Variants in FYN observed in about 807,000 individuals in gnomAD.
FYN encodes the protein FYN proto-oncogene, Src family tyrosine kinase, also known as tyrosine-protein kinase Fyn.
In FYN, 10 loss-of-function variants were observed where a neutral mutation model predicts 70.2. The observed-to-expected ratio is 0.14, with a 90% CI of 0.09 to 0.24. FYN has a LOEUF of 0.24. Among genes scored for constraint, FYN ranks in the 10% least tolerant of loss-of-function variants. The pLI is 1.00. For synonymous variants in FYN, 236 were observed against 248.6 expected (o/e 0.95, Z 0.48); for missense variants, 319 against 673.1 (o/e 0.47, Z 5.82).
intron 3 of FYN, among the ~76,000 whole-genome samples, chr6:111,766,846 T>C (rs935852124): frequency 6.6e-6 from 1 of 152,170 alleles, no homozygotes; most frequent in Non-Finnish European, 1.5e-5. Context: ...GAAACTACAA[T>C]TCAAGATGAG....
chr6:111,767,548 G>C (rs538669791), intron 3 of FYN, among the ~76,000 whole-genome samples: 138 of 152,210 alleles, frequency 9.1e-4, no homozygotes, highest in African/African-American at 3.2e-3. Context: ...CTACAGGCAT[G>C]CACCACCACA....
At chr6:111,692,918 T>C (rs1412058641) in intron 12 of FYN, among the ~76,000 whole-genome samples, 1 of 152,162 alleles carries the variant, frequency 6.6e-6, no homozygotes, top group Non-Finnish European at 1.5e-5. Context: ...AGTGCGCCTT[T>C]GATTAGAGAT....
intron 2 of FYN, among the ~76,000 whole-genome samples, chr6:111,819,499 T>C (rs1227799849): frequency 6.6e-6 from 1 of 152,168 alleles, no homozygotes; most frequent in Non-Finnish European, 1.5e-5. Context: ...AAATAGAATA[T>C]TCTTTCCTCT....
chr6:111,868,628 C>A (rs140299987), intron 1 of FYN, among the ~76,000 whole-genome samples: 1 of 152,276 alleles, frequency 6.6e-6, no homozygotes, highest in African/African-American at 2.4e-5. Context: ...CCTTATGGCA[C>A]ATAACGTATT....
At chr6:111,843,271 TTA>T (rs1183033354) in intron 2 of FYN, among the ~76,000 whole-genome samples, 2 of 152,240 alleles carry the variant, frequency 1.3e-5, no homozygotes, top group Non-Finnish European at 2.9e-5. Context: ...GGATATTATT[TTA>T]ATCAAATCCT....
At chr6:111,768,920 G>A (rs565616914) in intron 3 of FYN, among the ~76,000 whole-genome samples, 1 of 152,288 alleles carries the variant, frequency 6.6e-6, no homozygotes, top group South Asian at 2.1e-4. Flanking sequence ...GAAATGAAAA[G>A]GCTTTGAATC....
intron 2 of FYN, among the ~76,000 whole-genome samples, chr6:111,792,290 G>A (rs188744348): frequency 5.9e-5 from 9 of 152,220 alleles, no homozygotes; most frequent in East Asian, 3.9e-4. Flanking sequence ...AAACCACAAC[G>A]CATTACCAAT....
chr6:111,811,657 G>A (rs1772329550), intron 2 of FYN, among the ~76,000 whole-genome samples: 1 of 152,128 alleles, frequency 6.6e-6, no homozygotes, highest in Non-Finnish European at 1.5e-5. Context: ...GGGCAGGGGT[G>A]AACAACTGAT....
At chr6:111,865,620 G>T (rs529444612) in intron 1 of FYN, among the ~76,000 whole-genome samples, 4 of 152,222 alleles carry the variant, frequency 2.6e-5, no homozygotes, top group Middle Eastern at 6.8e-3. Context: ...CTAAAAATTA[G>T]ATTTGCTCAA....
chr6:111,698,147 C>T (rs13215383), intron 9 of FYN, among the ~76,000 whole-genome samples: 16,909 of 150,144 alleles, frequency 0.11, 1,085 homozygotes, highest in South Asian at 0.29. Flanking sequence ...TTTCTTGAGA[C>T]GGAGTTTCGC....
At chr6:111,713,527 C>G (rs945469002) in intron 5 of FYN, among the ~76,000 whole-genome samples, 5 of 151,912 alleles carry the variant, frequency 3.3e-5, no homozygotes, top group African/African-American at 1.2e-4. Flanking sequence ...GCCTGGCTTG[C>G]TGATGTGGAA....
At chr6:111,681,824 C>T (rs1798792942) in intron 12 of FYN, among the ~76,000 whole-genome samples, 1 of 152,080 alleles carries the variant, frequency 6.6e-6, no homozygotes, top group Non-Finnish European at 1.5e-5. Flanking sequence ...TAGTCTTGTT[C>T]TACAGATGAG....
At chr6:111,731,197 T>C (rs1004929036) in intron 3 of FYN, among the ~76,000 whole-genome samples, 3 of 152,258 alleles carry the variant, frequency 2.0e-5, no homozygotes, top group African/African-American at 7.2e-5. Context: ...CCTCGCCAGA[T>C]GATTCTGCAA....
At chr6:111,867,321 G>A (rs1025848260) in intron 1 of FYN, among the ~76,000 whole-genome samples, 6 of 151,924 alleles carry the variant, frequency 3.9e-5, no homozygotes, top group African/African-American at 7.3e-5. Flanking sequence ...CGGGTGTGGC[G>A]TTGGGTGCCT....
At chr6:111,751,569 T>G (rs991695815) in intron 3 of FYN, among the ~76,000 whole-genome samples, 1 of 152,214 alleles carries the variant, frequency 6.6e-6, no homozygotes, top group East Asian at 1.9e-4. Flanking sequence ...TATTCAGAGA[T>G]ATTTTAAATC....
At chr6:111,799,360 T>C (rs757713253) in intron 2 of FYN, among the ~76,000 whole-genome samples, 3 of 151,976 alleles carry the variant, frequency 2.0e-5, no homozygotes, top group Non-Finnish European at 4.4e-5. Context: ...AATTAGAAGA[T>C]GAGGTGGAAA....
At chr6:111,684,750 T>C (rs1798919687) in intron 12 of FYN, among the ~76,000 whole-genome samples, 1 of 152,148 alleles carries the variant, frequency 6.6e-6, no homozygotes, top group African/African-American at 2.4e-5. Context: ...ATAACATTAA[T>C]GGGCATCTCC....
intron 3 of FYN, among the ~76,000 whole-genome samples, chr6:111,730,632 A>G (rs1234097493): frequency 6.6e-6 from 1 of 152,106 alleles, no homozygotes; most frequent in Admixed American, 6.5e-5. Flanking sequence ...TGGGACACTG[A>G]GCTGGGCATT....
chr6:111,848,329 C>T (rs1037106137), intron 1 of FYN, among the ~76,000 whole-genome samples: 6 of 152,196 alleles, frequency 3.9e-5, no homozygotes, highest in African/African-American at 9.7e-5. Context: ...AACTTTAATA[C>T]CCTTCTTTCA....
Sources: gnomAD v4.1 joint callset for allele counts (sites outside exome capture counted in the v4.1 genomes callset) on GRCh38, gnomAD v4.1.1 for gene constraint, MANE v1.5 for transcripts, NCBI Gene and HGNC (gene_info 2026-07-23, HGNC 2026-07-21) for gene names.